The following FAM107A variants were observed in gnomAD, a reference collection of about 807,000 sequenced individuals.
FAM107A encodes the protein actin-associated protein FAM107A.
A neutral mutation model predicts 13.7 loss-of-function variants in FAM107A; 19 were observed. The ratio of observed to expected loss-of-function variants is 1.38; its 90% CI spans 0.97 to 2.03. The LOEUF is 2.03. FAM107A is among the 30% of genes most tolerant of loss of function. FAM107A has a pLI of 0.00. For synonymous variants in FAM107A, 82 were observed against 74.5 expected, an observed-to-expected ratio of 1.10 and a Z score of -0.52; for missense variants, 203 against 184.4, an observed-to-expected ratio of 1.10 and a Z score of -0.58.
Position 58,613,729 on chromosome 3 carries a change from G to A in FAM107A, c.-70+13687C>T, listed in dbSNP as rs2065876016. On this transcript the variant is annotated intron_variant, in intron 1 of 3. Coordinates refer to the FAM107A transcript ENST00000465970. The surrounding 1 kb of genome is among the most constrained non-coding windows in gnomAD (Gnocchi z 4.6). The stretch of plus-strand genomic sequence containing the variant: ...CTAGGGCCATATCTCCCAGGGAGAG[G>A]TGAGTCTTGGGGAGGCTCAACCCTC... Among the ~76,000 whole-genome samples, 1 of 152,178 alleles carries A rather than the reference G, an allele frequency of 6.6e-6. No individual in the cohort carries two copies. Among genetic ancestry groups the A allele is most frequent in the Non-Finnish European group, 1.5e-5 (1 of 68,030 alleles).
At position 58,569,863 on chromosome 3, in the gene FAM107A, C is replaced by A; in HGVS notation, c.-3G>T. The A allele has an allele frequency of 6.2e-7, 1 of 1,613,446 alleles. No homozygotes were observed. Among genetic ancestry groups the A allele is most frequent in the Non-Finnish European group, 8.5e-7 (1 of 1,179,730 alleles). On this transcript the variant is annotated splice_region_variant and 5_prime_UTR_variant, in exon 2 of 4. Coordinates refer to ENST00000360997, the MANE Select transcript of FAM107A (RefSeq NM_001076778.3). This position sits in a 1 kb window ranked among gnomAD's most constrained non-coding sequence, Gnocchi z 5.7. ...TCCCTCTGGATCTCCGAGTACATGG[C>A]GGCTGTAGAGATGGGCAGAGGAGTA...
intron 1 of FAM107A, among the ~76,000 whole-genome samples, chr3:58,605,474 G>A (rs1160536936): frequency 1.3e-5 from 2 of 152,174 alleles, no homozygotes; most frequent in African/African-American, 2.4e-5. Flanking sequence ...AGCTCAGAGG[G>A]ACTACCATGT....
chr3:58,587,385 C>T (rs1034956753), upstream of FAM107A, among the ~76,000 whole-genome samples: 8 of 152,156 alleles, frequency 5.3e-5, no homozygotes, highest in Non-Finnish European at 7.3e-5. Flanking sequence ...ATTTAGTTAC[C>T]TAACCTCGCA....
Position 58,613,367 on chromosome 3 carries a change from C to T in FAM107A, c.-70+14049G>A, listed in dbSNP as rs1380549569. On this transcript the variant is annotated intron_variant, in intron 1 of 3. Coordinates refer to the FAM107A transcript ENST00000465970. This position sits in a 1 kb window ranked among gnomAD's most constrained non-coding sequence, Gnocchi z 4.6. ...CCAGGCTTCTCATGCTGTGCTAGAG[C>T]TGACTCTAGTGAGCTGACCTCAGCC... 1.3e-5 allele frequency among the ~76,000 whole-genome samples: 2 copies of T among 152,206 alleles called. No homozygotes were observed. The highest frequency in any genetic ancestry group is 2.4e-5 in the African/African-American group (1 of 41,444).
intron 1 of FAM107A, among the ~76,000 whole-genome samples, chr3:58,598,272 G>A (rs2065723886): frequency 1.3e-5 from 2 of 152,182 alleles, no homozygotes; most frequent in Admixed American, 1.3e-4. Context: ...TGGAGCAGGC[G>A]CCCAGCCCTG....
intron 1 of FAM107A, among the ~76,000 whole-genome samples, chr3:58,593,851 A>G (rs762578792): frequency 6.6e-6 from 1 of 152,070 alleles, no homozygotes; most frequent in Non-Finnish European, 1.5e-5. Context: ...TACCTGCCTG[A>G]GGAACTTCTT....
chr3:58,567,438 C>A lies in FAM107A; in HGVS notation c.171-74G>T. ...CCCCCAGCCTCAGGGCTGCTTCCTG[C>A]GGTGACACCAACCCCCATTATTATC... On this transcript the variant is annotated intron_variant, in intron 2 of 3. Transcript: ENST00000360997. The A allele has an allele frequency of 2.7e-6, 4 of 1,462,184 alleles. No homozygotes were observed. The Admixed American group carries it at 6.1e-5, about 22-fold the overall frequency. 90.6% of individuals were successfully genotyped at this position (1,462,184 alleles called of 1,614,324 possible).
At chr3:58,627,181 A>G in intron 1 of FAM107A, 1 of 626,226 alleles carries the variant, frequency 1.6e-6, no homozygotes, top group Non-Finnish European at 2.8e-6. Flanking sequence ...AGCGCCTCAG[A>G]CAGGCTTAGG....
chr3:58,622,084 C>T (rs963514663), intron 1 of FAM107A, among the ~76,000 whole-genome samples: 1 of 152,246 alleles, frequency 6.6e-6, no homozygotes, highest in East Asian at 1.9e-4. Context: ...TTGAGTGGTT[C>T]CCACCCAAGA....
chr3:58,579,849 G>C (rs538303493), upstream of FAM107A, among the ~76,000 whole-genome samples: 1 of 152,314 alleles, frequency 6.6e-6, no homozygotes, highest in South Asian at 2.1e-4. Context: ...GGGAGTCACT[G>C]TGCTTCTCCC....
upstream of FAM107A, among the ~76,000 whole-genome samples, chr3:58,581,628 A>G (rs2065543927): frequency 1.3e-5 from 2 of 152,188 alleles, no homozygotes; most frequent in Admixed American, 1.3e-4. Flanking sequence ...CATGCTCTGC[A>G]GAAAGGACTC....
At chr3:58,591,982 A>T (rs1013706325), upstream of FAM107A, among the ~76,000 whole-genome samples, 28 of 152,318 alleles carry the variant, frequency 1.8e-4, no homozygotes, top group Non-Finnish European at 4.0e-4. This position sits in a 1 kb window ranked among gnomAD's most constrained non-coding sequence, Gnocchi z 4.3. Context: ...GGCCAGAACC[A>T]GGGGAGGCCT....
At chr3:58,596,460 G>A (rs1461790160) in intron 1 of FAM107A, among the ~76,000 whole-genome samples, 3 of 152,120 alleles carry the variant, frequency 2.0e-5, no homozygotes, top group South Asian at 2.1e-4. Context: ...GGCAGATGGC[G>A]TGAGCTCAGG....
upstream of FAM107A, among the ~76,000 whole-genome samples, chr3:58,588,869 C>T (rs891347064): frequency 5.3e-5 from 8 of 152,068 alleles, no homozygotes; most frequent in South Asian, 2.1e-4. Flanking sequence ...ATGTTGGTCT[C>T]GAACTCCTGA....
chr3:58,577,525 A>G (rs532479796), upstream of FAM107A: 1 of 984,560 alleles, frequency 1.0e-6, no homozygotes, highest in Non-Finnish European at 1.2e-6. The surrounding 1 kb of genome is among the most constrained non-coding windows in gnomAD (Gnocchi z 4.9). Context: ...ATAGTAACAG[A>G]TATTCCACTT....
intron 1 of FAM107A, among the ~76,000 whole-genome samples, chr3:58,621,598 G>A (rs2065955435): frequency 6.6e-6 from 1 of 152,200 alleles, no homozygotes; most frequent in Non-Finnish European, 1.5e-5. Context: ...GGCACTTCAA[G>A]AACTTTCTCA....
intron 1 of FAM107A, chr3:58,574,316 G>T (rs6776877): frequency 0.48 from 73,340 of 152,040 alleles, 18,855 homozygotes; most frequent in Non-Finnish European, 0.59. Flanking sequence ...CCACCACAGG[G>T]ATTCTGATTT....
chr3:58,572,688 T>TTA (rs55968260), intron 1 of FAM107A: 110,189 of 151,876 alleles, frequency 0.73, 42,095 homozygotes, highest in East Asian at 1. Context: ...TTGGGATGTT[T>TTA]TGACTTTGGT....
chr3:58,615,625 G>A (rs1469902804), intron 1 of FAM107A, among the ~76,000 whole-genome samples: 1 of 152,198 alleles, frequency 6.6e-6, no homozygotes, highest in African/African-American at 2.4e-5. Context: ...GCCAGGCGCA[G>A]TGCCTTATGC....
Sources: allele counts gnomAD v4.1 joint callset (sites outside exome capture counted in the v4.1 genomes callset), GRCh38; gene constraint gnomAD v4.1.1; non-coding constraint Gnocchi (gnomAD v3.1); transcripts MANE v1.5; gene names NCBI Gene and HGNC (gene_info 2026-07-23, HGNC 2026-07-21).